KANSL1: variants seen among roughly 807,000 people sequenced by gnomAD.
KANSL1 encodes KAT8 regulatory NSL complex subunit 1.
A neutral mutation model predicts 103.6 loss-of-function variants in KANSL1; 22 were observed. The ratio of observed to expected loss-of-function variants is 0.21; its 90% CI spans 0.15 to 0.30. The LOEUF (loss-of-function observed/expected upper bound fraction) is 0.30. KANSL1 is among the 10% of genes least tolerant of loss of function. KANSL1 has a pLI of 1.00. For missense variants in KANSL1, 1,337 were observed against 1,399.8 expected (o/e 0.96, Z 0.72); for synonymous variants, 600 against 527.6 (o/e 1.14, Z -1.88).
intron 2 of KANSL1, among the ~76,000 whole-genome samples, chr17:46,149,021 G>C (rs564418868): frequency 1.3e-5 from 1 of 74,118 alleles, no homozygotes; most frequent in African/African-American, 6.2e-5. Context: ...TTTTTTTTTT[G>C]AGACGGAGTC....
rs180962377 is a variant in KANSL1, at chr17:46,044,345, A to G, written c.2021-4461T>C. ...ATGAGAAGACCCTGACTTCAGGATG[A>G]CTAGGGTCTGACATTCCACGATTCA... On this transcript the variant is annotated intron_variant, in intron 7 of 14. Coordinates refer to ENST00000432791, the MANE Select transcript of KANSL1 (RefSeq NM_015443.4). 18 of 152,364 alleles carry G rather than the reference A, an allele frequency of 1.2e-4. No homozygotes were observed. In the East Asian group the frequency reaches 3.3e-3, roughly 28 times the overall value. 9.4% of individuals were successfully genotyped at this position (152,364 alleles called of 1,614,324 possible).
intron 6 of KANSL1, among the ~76,000 whole-genome samples, chr17:46,062,124 A>AC (rs1568403493): frequency 1.2e-4 from 16 of 134,766 alleles, no homozygotes; most frequent in African/African-American, 2.1e-4. Context: ...CAAACAAAAA[A>AC]AAAAAAAAAA....
chr17:46,166,338 C>T (rs1292940254), intron 2 of KANSL1, among the ~76,000 whole-genome samples: 2 of 152,054 alleles, frequency 1.3e-5, no homozygotes, highest in Non-Finnish European at 2.9e-5. Flanking sequence ...ATGGCAAAAC[C>T]CTGCCTCTAC....
At chr17:46,068,235 G>A (rs1340087627) in intron 4 of KANSL1, among the ~76,000 whole-genome samples, 1 of 152,140 alleles carries the variant, frequency 6.6e-6, no homozygotes, top group Non-Finnish European at 1.5e-5. Context: ...GAGTATGCTA[G>A]AAGCTTGTTT....
chr17:46,166,671 G>A (rs1008315865), intron 2 of KANSL1, among the ~76,000 whole-genome samples: 4 of 152,120 alleles, frequency 2.6e-5, no homozygotes, highest in Non-Finnish European at 5.9e-5. Flanking sequence ...ACAAAACACA[G>A]GTTAGCATAA....
Position 46,171,473 on chromosome 17 carries a change from C to T in KANSL1, c.671G>A (p.Ser224Asn), listed in dbSNP as rs1310885497. 4 of 1,613,964 alleles carry T rather than the reference C, an allele frequency of 2.5e-6. No homozygotes were observed. Among genetic ancestry groups the T allele is most frequent in the Non-Finnish European group, 8.5e-7 (1 of 1,180,044 alleles). Reference sequence around the variant, plus strand: ...GGATTTGTTTGCAGTGCTATTATTGCTATACAAAGTTGTGTGTTCTACATC... The same window carrying T: ...GGATTTGTTTGCAGTGCTATTATTGTTATACAAAGTTGTGTGTTCTACATC... ...SLDVEHTTLYSNNSTANKSSV... is the reference protein window; with the variant it reads ...SLDVEHTTLYNNNSTANKSSV... Residue 224 changes from serine to asparagine, a missense_variant, in exon 2 of 15, where the codon AGC becomes AAC. Around this residue, in one of 2 missense-constraint regions of KANSL1, gnomAD observed 557 missense variants for 476.4 expected, o/e 1.17. Transcript: ENST00000432791.
chr17:46,114,774 G>T (rs189450268), intron 2 of KANSL1, among the ~76,000 whole-genome samples: 2 of 152,212 alleles, frequency 1.3e-5, no homozygotes, highest in African/African-American at 4.8e-5. Flanking sequence ...GAGTGGGGAG[G>T]TAACTAGTTC....
intron 3 of KANSL1, among the ~76,000 whole-genome samples, chr17:46,091,814 T>C (rs1282827486): frequency 2.6e-5 from 4 of 151,890 alleles, no homozygotes; most frequent in African/African-American, 9.7e-5. Context: ...TATATGTAAG[T>C]ATGTATGTAT....
chr17:46,059,667 A>AGAGAGAGAGAGAGAGAG (rs1460792950), intron 6 of KANSL1, among the ~76,000 whole-genome samples: 2 of 97,128 alleles, frequency 2.1e-5, no homozygotes, highest in African/African-American at 7.2e-5. Context: ...GAGAGAGAGA[A>AGAGAGAGAGAGAGAGAG]AAGGAAACTG....
intron 1 of KANSL1, among the ~76,000 whole-genome samples, chr17:46,189,821 C>A (rs1199828382): frequency 6.6e-6 from 1 of 151,136 alleles, no homozygotes; most frequent in Non-Finnish European, 1.5e-5. Flanking sequence ...GCACGAGAAT[C>A]GCTTGAACCT....
chr17:46,196,498 C>A, upstream of KANSL1: 1 of 452,146 alleles, frequency 2.2e-6, no homozygotes, highest in Non-Finnish European at 4.4e-6. Flanking sequence ...ACACCTCAAA[C>A]TGCTACAGTC....
At chr17:46,041,914 A>ATATT (rs1176821999) in intron 7 of KANSL1, 2 of 91,784 alleles carry the variant, frequency 2.2e-5, no homozygotes, top group African/African-American at 7.5e-5. Context: ...GTGTGTGTAT[A>ATATT]TTTTTTTTTT....
intron 2 of KANSL1, among the ~76,000 whole-genome samples, chr17:46,159,362 A>T (rs2045611004): frequency 6.6e-6 from 1 of 152,132 alleles, no homozygotes; most frequent in African/African-American, 2.4e-5. Context: ...CTACTCTCTT[A>T]CTCCCCTTTT....
chr17:46,038,735 C>T lies in KANSL1; in HGVS notation c.2393-49G>A, dbSNP rs750127400. On this transcript the variant is annotated intron_variant, in intron 9 of 14. Transcript: ENST00000432791. Reference sequence around the variant, plus strand: ...AGAAATACATGGCTATCTTAACCAGCGTTACTTCTAACACAAGCTTGGAAT... The same window carrying T: ...AGAAATACATGGCTATCTTAACCAGTGTTACTTCTAACACAAGCTTGGAAT... 6.2e-6 allele frequency: 10 copies of T among 1,605,920 alleles called. No homozygotes were observed. In the East Asian group the frequency reaches 6.7e-5, roughly 11 times the overall value.
intron 13 of KANSL1, chr17:46,032,539 T>TAG: frequency 2.3e-6 from 1 of 429,230 alleles, no homozygotes; most frequent in East Asian, 3.4e-5. Flanking sequence ...GCAAAGTGCC[T>TAG]AGTGAATTCA....
Position 46,183,067 on chromosome 17 carries a change from C to G in KANSL1, c.-90+9756G>C, listed in dbSNP as rs190854554. On this transcript the variant is annotated intron_variant, in intron 1 of 14. Transcript: ENST00000432791. The stretch of plus-strand genomic sequence containing the variant: ...TTGGGGGATGGAGGCAATCCTCATA[C>G]AGGCTGAGAAGTAGGCGGAGTCAGA... Among the ~76,000 whole-genome samples, 731 of 152,320 alleles carry G rather than the reference C, an allele frequency of 4.8e-3. 6 individuals are homozygous for G. Among genetic ancestry groups the G allele is most frequent in the Admixed American group, 0.018 (279 of 15,302 alleles).
chr17:46,179,524 T>C (rs2046682256), intron 1 of KANSL1, among the ~76,000 whole-genome samples: 1 of 152,214 alleles, frequency 6.6e-6, no homozygotes, highest in Non-Finnish European at 1.5e-5. Flanking sequence ...ATAATGTGGC[T>C]TCTACTAACC....
In KANSL1 at chr17:46,132,280, G is replaced by C. The variant is rs900051175; in HGVS notation, c.1290-37579C>G. On this transcript the variant is annotated intron_variant, in intron 2 of 14. Transcript: ENST00000432791. ...TCAACAATTTACCCAACCCTTTAAA[G>C]GAAGATAGTACCTACTAATTACCAT... Among the ~76,000 whole-genome samples, 7 of 152,314 alleles carry C rather than the reference G, an allele frequency of 4.6e-5. No individual in the cohort carries two copies. In the East Asian group the frequency reaches 1.4e-3, roughly 29 times the overall value.
intron 1 of KANSL1, 103 bp from the exon 2 acceptor site, chr17:46,172,335 C>T (rs1282882990): frequency 9.4e-6 from 6 of 636,120 alleles, no homozygotes; most frequent in Non-Finnish European, 1.6e-5. Context: ...AAACTGCCTC[C>T]AGAAAGAAAA....
Sources: gnomAD v4.1 joint callset for allele counts (sites outside exome capture counted in the v4.1 genomes callset) on GRCh38, gnomAD v4.1.1 for gene constraint, gnomAD v4.1.1 regional missense constraint, MANE v1.5 for transcripts, NCBI Gene and HGNC (gene_info 2026-07-23, HGNC 2026-07-21) for gene names.